The following RNF125 variants were observed in gnomAD, a reference collection of about 807,000 sequenced individuals.
The protein encoded by RNF125 is E3 ubiquitin-protein ligase RNF125.
RNF125 carries 21 observed loss-of-function variants against 26.0 expected under a neutral mutation model. The ratio of observed to expected loss-of-function variants is 0.81; its 90% CI spans 0.57 to 1.16. The LOEUF (loss-of-function observed/expected upper bound fraction) is 1.16, where lower values mean the gene tolerates loss of function less well. Among genes scored for constraint, RNF125 ranks in the 50% most tolerant of loss-of-function variants. The probability of loss-of-function intolerance (pLI) is 0.00; values close to 1 mark genes in which losing one functional copy is unlikely to be tolerated. For missense variants in RNF125, 270 were observed against 299.4 expected (o/e 0.90, Z 0.72); for synonymous variants, 95 against 109.2 (o/e 0.87, Z 0.81).
intron 4 of RNF125, among the ~76,000 whole-genome samples, chr18:32,052,658 TC>T (rs1333164567): frequency 1.3e-5 from 2 of 152,152 alleles, no homozygotes; most frequent in Non-Finnish European, 2.9e-5. Flanking sequence ...TGGGAAGTGT[TC>T]TATAATCAGC....
chr18:32,055,565 T>A (rs1008887682), intron 4 of RNF125, among the ~76,000 whole-genome samples: 1 of 152,148 alleles, frequency 6.6e-6, no homozygotes, highest in Non-Finnish European at 1.5e-5. Context: ...CACACACGTA[T>A]AAGACCATCA....
chr18:32,029,094 C>T (rs1043480268), intron 1 of RNF125, among the ~76,000 whole-genome samples: 2 of 152,172 alleles, frequency 1.3e-5, no homozygotes, highest in African/African-American at 4.8e-5. Flanking sequence ...TGATCTATGA[C>T]ATTTCTAAGA....
intron 4 of RNF125, among the ~76,000 whole-genome samples, chr18:32,059,967 C>T (rs1418595738): frequency 6.6e-6 from 1 of 152,062 alleles, no homozygotes; most frequent in African/African-American, 2.4e-5. Context: ...TTAAAGCAGC[C>T]TTGGTCAGGA....
At chr18:32,065,807 A>G in intron 4 of RNF125, 95 bp from the exon 5 acceptor site, 1 of 825,338 alleles carries the variant, frequency 1.2e-6, no homozygotes, top group Non-Finnish European at 2.0e-6. Context: ...CTGGGATTAC[A>G]GGCGTAAGCC....
chr18:32,083,719 CTGGGTAACA>C, the RNF125 span, among the ~76,000 whole-genome samples: 3 of 151,932 alleles, frequency 2.0e-5, no homozygotes, highest in East Asian at 5.9e-4. Flanking sequence ...TGAAACCAGC[CTGGGTAACA>C]TGGCCAAACC....
At chr18:32,058,803 A>G (rs1375505366) in intron 4 of RNF125, among the ~76,000 whole-genome samples, 1 of 152,104 alleles carries the variant, frequency 6.6e-6, no homozygotes, top group African/African-American at 2.4e-5. Flanking sequence ...TCTGGTAACC[A>G]TCATTCTACC....
At chr18:32,041,643 T>G (rs2039218505) in intron 2 of RNF125, among the ~76,000 whole-genome samples, 2 of 123,126 alleles carry the variant, frequency 1.6e-5, no homozygotes, top group African/African-American at 7.7e-5. Flanking sequence ...TTTTTTTTTT[T>G]TTTTTGAGAC....
In RNF125 at chr18:32,070,785, A is replaced by G. The variant is rs2039527050; in HGVS notation, c.*2401A>G. ...AATGGCACGATCTCGGCTCACTGCA[A>G]CCTCTGCCTCCTGGATTCAAGCAAT... is the stretch of plus-strand genomic sequence containing the variant. On this transcript the variant is annotated 3_prime_UTR_variant, in exon 6 of 6. Transcript: ENST00000217740. 6.6e-6 allele frequency: 1 copy of G among 151,354 alleles called. No individual in the cohort carries two copies. The allele number at this position is 151,354 out of a possible 1,614,324, so 9.4% of individuals were successfully genotyped here.
intron 1 of RNF125, among the ~76,000 whole-genome samples, chr18:32,021,268 GACGGGGTTTC>G (rs2038984110): frequency 6.6e-6 from 1 of 152,186 alleles, no homozygotes; most frequent in African/African-American, 2.4e-5. Context: ...ATTTAGTAGA[GACGGGGTTTC>G]ACCGTGTTAG....
At chr18:32,028,470 C>CTT (rs2039061328) in intron 1 of RNF125, among the ~76,000 whole-genome samples, 1 of 152,058 alleles carries the variant, frequency 6.6e-6, no homozygotes, top group African/African-American at 2.4e-5. Context: ...CCAATGTAGA[C>CTT]TTTTCTCTCC....
At chr18:32,041,645 T>TTTTTTTTTTTTG (rs1242648581) in intron 2 of RNF125, among the ~76,000 whole-genome samples, 2 of 95,470 alleles carry the variant, frequency 2.1e-5, no homozygotes, top group African/African-American at 1.1e-4. Flanking sequence ...TTTTTTTTTT[T>TTTTTTTTTTTTG]TTTGAGACGG....
At chr18:32,040,356 C>G (rs1345629779) in intron 2 of RNF125, among the ~76,000 whole-genome samples, 4 of 148,352 alleles carry the variant, frequency 2.7e-5, no homozygotes, top group African/African-American at 9.9e-5. Flanking sequence ...ACTGCAACCT[C>G]TGCCTCCTGG....
intron 1 of RNF125, among the ~76,000 whole-genome samples, chr18:32,031,604 G>T (rs1015858368): frequency 6.6e-6 from 1 of 150,422 alleles, no homozygotes; most frequent in African/African-American, 2.4e-5. Context: ...CATAAGTGTT[G>T]TATTAGAAAT....
chr18:32,068,111 A>G (rs1220863134), intron 5 of RNF125, among the ~76,000 whole-genome samples, 187 bp from the exon 6 acceptor site: 3 of 152,200 alleles, frequency 2.0e-5, no homozygotes, highest in Non-Finnish European at 2.9e-5. Context: ...ATAGACAACA[A>G]AGTGAAGTAG....
At chr18:32,083,099 T>C in the RNF125 span, among the ~76,000 whole-genome samples, 4 of 152,228 alleles carry the variant, frequency 2.6e-5, no homozygotes, top group African/African-American at 9.6e-5. Context: ...CAACAGATGG[T>C]ACATGTCCTG....
chr18:32,089,810 G>A, the RNF125 span, among the ~76,000 whole-genome samples: 1 of 151,946 alleles, frequency 6.6e-6, no homozygotes, highest in African/African-American at 2.4e-5. Flanking sequence ...TGCAGAGAAA[G>A]AATGAAGCAA....
intron 3 of RNF125, among the ~76,000 whole-genome samples, chr18:32,044,529 C>T (rs112200201): frequency 6.1e-4 from 93 of 151,868 alleles, no homozygotes; most frequent in Non-Finnish European, 1.2e-3. Context: ...TCTTATACAT[C>T]CAGCAAATCT....
At position 32,051,344 on chromosome 18, in the gene RNF125, C is replaced by T. The variant is rs115867312; in HGVS notation, c.504+5612C>T. Among the ~76,000 whole-genome samples, 529 of 151,886 alleles carry T rather than the reference C, an allele frequency of 3.5e-3. 2 individuals carry two copies. Among genetic ancestry groups the T allele is most frequent in the African/African-American group, 0.012 (505 of 41,438 alleles). ...ATAGTAAAGAAAGACAGGCTGGGCG[C>T]GGTGGCTCACATGTGTAATCCCAGC... On this transcript the variant is annotated intron_variant, in intron 4 of 5. Coordinates refer to ENST00000217740, the MANE Select transcript of RNF125 (RefSeq NM_017831.4).
At chr18:32,086,096 CT>C in the RNF125 span, among the ~76,000 whole-genome samples, 966 of 152,294 alleles carry the variant, frequency 6.3e-3, 13 homozygotes, top group African/African-American at 0.022. Context: ...CATCTTTCAG[CT>C]TTACCACCTT....
Sources: gnomAD v4.1 joint callset for allele counts (sites outside exome capture counted in the v4.1 genomes callset) on GRCh38, gnomAD v4.1.1 for gene constraint, MANE v1.5 for transcripts, NCBI Gene and HGNC (gene_info 2026-07-23, HGNC 2026-07-21) for gene names.